The following ATP8B4 variants were observed in gnomAD, a reference collection of about 807,000 sequenced individuals.
The protein encoded by ATP8B4 is probable phospholipid-transporting ATPase IM.
A neutral mutation model predicts 145.6 loss-of-function variants in ATP8B4; 133 were observed. The observed-to-expected ratio is 0.91, with a 90% CI of 0.79 to 1.05. The LOEUF (loss-of-function observed/expected upper bound fraction) is 1.05. Among genes scored for constraint, ATP8B4 ranks in the 50% least tolerant of loss-of-function variants. The probability of loss-of-function intolerance (pLI) is 0.00; values close to 1 mark genes in which losing one functional copy is unlikely to be tolerated. For synonymous variants in ATP8B4, 507 were observed against 492.9 expected (o/e 1.03, Z -0.38); for missense variants, 1,458 against 1,425.2 (o/e 1.02, Z -0.37).
intron 1 of ATP8B4, among the ~76,000 whole-genome samples, chr15:50,171,852 C>T (rs1329898480): frequency 1.3e-5 from 2 of 151,830 alleles, no homozygotes. Flanking sequence ...AAAAAAAATC[C>T]AAATAACCTC....
rs552991611 is a variant in ATP8B4 at position 50,180,296 on chromosome 15, C to T, written c.-43+1965G>A. Among the ~76,000 whole-genome samples, 4 of 152,186 alleles carry T rather than the reference C, an allele frequency of 2.6e-5. No homozygotes were observed. In the South Asian group the frequency reaches 8.3e-4, roughly 32 times the overall value. On this transcript the variant is annotated intron_variant, in intron 1 of 3. Transcript: ENST00000558829. ...TTGGCAGCCATCTTTGGACAAAAAC[C>T]AGAGAGCCTGAATGAGAACAGAGGA...
chr15:49,891,711 CTTTTCA>C (rs1257971566), intron 23 of ATP8B4, among the ~76,000 whole-genome samples: 1 of 152,112 alleles, frequency 6.6e-6, no homozygotes, highest in Non-Finnish European at 1.5e-5. Flanking sequence ...AGAGTTTGTC[CTTTTCA>C]TTATTTTGTT....
chr15:49,982,942 T>C (rs2046286709), intron 10 of ATP8B4, among the ~76,000 whole-genome samples: 1 of 152,132 alleles, frequency 6.6e-6, no homozygotes, highest in Non-Finnish European at 1.5e-5. Flanking sequence ...TACTCTTCCT[T>C]TAGCTTCTGT....
At chr15:50,082,697 TAAGTA>T (rs1419529391) in intron 2 of ATP8B4, among the ~76,000 whole-genome samples, 5 of 152,220 alleles carry the variant, frequency 3.3e-5, no homozygotes, top group East Asian at 3.8e-4. Flanking sequence ...TAGCTTTCCA[TAAGTA>T]AAGATTCATG....
At chr15:50,110,777 G>A (rs1282324929) in intron 1 of ATP8B4, among the ~76,000 whole-genome samples, 1 of 152,202 alleles carries the variant, frequency 6.6e-6, no homozygotes, top group Non-Finnish European at 1.5e-5. Context: ...CTAGAGGGTT[G>A]CTTTTAATAA....
intron 6 of ATP8B4, among the ~76,000 whole-genome samples, chr15:50,011,486 G>GTA (rs1353941423): frequency 6.6e-6 from 1 of 152,170 alleles, no homozygotes; most frequent in Non-Finnish European, 1.5e-5. Context: ...AGGCTTGGTG[G>GTA]TATTCTAACA....
At chr15:49,970,621 G>A (rs77821434) in intron 13 of ATP8B4, among the ~76,000 whole-genome samples, 5,614 of 152,226 alleles carry the variant, frequency 0.037, 351 homozygotes, top group African/African-American at 0.13. Flanking sequence ...GAACATGAGA[G>A]AGGACACAAA....
intron 20 of ATP8B4, among the ~76,000 whole-genome samples, chr15:49,915,803 G>A (rs1211122788): frequency 6.7e-6 from 1 of 149,236 alleles, no homozygotes; most frequent in African/African-American, 2.5e-5. Flanking sequence ...GCAGTATTTA[G>A]TCATAGTTTC....
intron 1 of ATP8B4, among the ~76,000 whole-genome samples, chr15:50,180,743 G>T (rs1298825640): frequency 6.6e-6 from 1 of 152,116 alleles, no homozygotes; most frequent in Non-Finnish European, 1.5e-5. Context: ...GATGATGAAG[G>T]CCCCCAGCTC....
chr15:50,066,551 T>G (rs1600162233), intron 3 of ATP8B4, among the ~76,000 whole-genome samples: 1 of 152,286 alleles, frequency 6.6e-6, no homozygotes, highest in East Asian at 1.9e-4. Context: ...GTCCCATCAG[T>G]CCGGGGATGT....
intron 2 of ATP8B4, among the ~76,000 whole-genome samples, chr15:50,086,542 TAATAA>T (rs1331083456): frequency 2.1e-5 from 2 of 93,968 alleles, no homozygotes; most frequent in Admixed American, 2.6e-4. Context: ...TTATTATATA[TAATAA>T]AATAATATAG....
At chr15:50,148,291 C>A (rs2044304691) in intron 1 of ATP8B4, among the ~76,000 whole-genome samples, 1 of 152,066 alleles carries the variant, frequency 6.6e-6, no homozygotes, top group African/African-American at 2.4e-5. Flanking sequence ...ACATAAAAGA[C>A]ATAAATAATT....
At chr15:50,086,118 C>A (rs1236078634) in intron 2 of ATP8B4, among the ~76,000 whole-genome samples, 4 of 103,632 alleles carry the variant, frequency 3.9e-5, no homozygotes, top group African/African-American at 8.2e-5. Context: ...AAATATAGAT[C>A]TATATTATAT....
At chr15:49,880,904 A>G (rs2035286576) in intron 23 of ATP8B4, among the ~76,000 whole-genome samples, 1 of 151,928 alleles carries the variant, frequency 6.6e-6, no homozygotes, top group South Asian at 2.1e-4. Flanking sequence ...TGAGGTCAGG[A>G]GATCAAGACC....
chr15:50,127,064 G>A lies in ATP8B4; in HGVS notation c.-42-20056C>T, dbSNP rs953043386. Among the ~76,000 whole-genome samples, 13 of 152,176 alleles carry A rather than the reference G, an allele frequency of 8.5e-5. 1 individual carries two copies. The highest frequency in any genetic ancestry group is 6.8e-3 in the Middle Eastern group (2 of 294). ...GTTTTTAAACAAATCTTAACCAATC[G>A]CAGATCGGGAAATCTTTGAATCTAC... On this transcript the variant is annotated intron_variant, in intron 1 of 3. Coordinates refer to the ATP8B4 transcript ENST00000558829.
rs1256142292 is a variant in ATP8B4, at chr15:49,987,285, T to C, written c.748+106A>G. The C allele has an allele frequency of 6.8e-6, 9 of 1,316,822 alleles. No homozygotes were observed. The Admixed American group carries it at 7.5e-5, about 11-fold the overall frequency. 81.6% of individuals were successfully genotyped at this position (1,316,822 alleles called of 1,614,324 possible). ...GTCAACTCCAGAGCACGACTTTGCA[T>C]GGAATGAAAGCACTGCGCTCATCAG... On this transcript the variant is annotated intron_variant, in intron 10 of 27. Coordinates refer to ENST00000284509, the MANE Select transcript of ATP8B4 (RefSeq NM_024837.4).
intron 13 of ATP8B4, among the ~76,000 whole-genome samples, chr15:49,969,476 T>A (rs1255949945): frequency 6.6e-6 from 1 of 152,080 alleles, no homozygotes; most frequent in African/African-American, 2.4e-5. Flanking sequence ...AAAACTACCA[T>A]GAGATAATAC....
chr15:49,901,753 A>G (rs769627229), intron 20 of ATP8B4: 8 of 404,996 alleles, frequency 2.0e-5, no homozygotes, highest in Non-Finnish European at 2.9e-5. Flanking sequence ...TTTTTTAAAA[A>G]AAATTTAACA....
chr15:50,017,432 T>C (rs1382024578), intron 6 of ATP8B4, among the ~76,000 whole-genome samples: 1 of 152,178 alleles, frequency 6.6e-6, no homozygotes, highest in Non-Finnish European at 1.5e-5. Flanking sequence ...CATATTATTT[T>C]GAAAAATCAG....
Sources: gnomAD v4.1 joint callset for allele counts (sites outside exome capture counted in the v4.1 genomes callset) on GRCh38, gnomAD v4.1.1 for gene constraint, MANE v1.5 for transcripts, NCBI Gene and HGNC (gene_info 2026-07-23, HGNC 2026-07-21) for gene names.